The following BRCA2 variants were observed in gnomAD, a reference collection of about 807,000 sequenced individuals.
BRCA2 encodes BRCA2 DNA repair associated, also known as breast cancer type 2 susceptibility protein.
In BRCA2, 203 loss-of-function variants were observed where a neutral mutation model predicts 276.7. The observed-to-expected ratio is 0.73, with a 90% CI of 0.65 to 0.82. BRCA2 has a LOEUF of 0.82. Among genes scored for constraint, BRCA2 ranks in the 40% least tolerant of loss-of-function variants. BRCA2 has a pLI of 0.00. For missense variants in BRCA2, 3,920 were observed against 3,915.0 expected (o/e 1.00, Z -0.03); for synonymous variants, 1,289 against 1,338.4 (o/e 0.96, Z 0.81).
In BRCA2 at chr13:32,363,353, C is replaced by T. The variant is rs774808067; in HGVS notation, c.8151C>T (p.Ala2717=). The change falls in exon 18 of 27, where the codon GCC becomes GCT. Residue 2717 remains alanine, a synonymous_variant. Coordinates refer to ENST00000380152, the MANE Select transcript of BRCA2 (RefSeq NM_000059.4). The part of the protein sequence containing the change: ...KTSSADTQKV[A]IIELTDGWYA... ...GTAGTGCAGATACCCAAAAAGTGGC[C>T]ATTATTGAACTTACAGATGGGTGGT... The T allele has an allele frequency of 1.9e-6, 3 of 1,613,952 alleles. 1 individual carries two copies. The African/African-American group carries it at 4.0e-5, about 22-fold the overall frequency.
chr13:32,333,116 C>T lies in BRCA2; in HGVS notation c.1638C>T (p.Cys546=), dbSNP rs1566224003. The change falls in exon 10 of 27, where the codon TGC becomes TGT. Residue 546 remains cysteine, a synonymous_variant. Transcript: ENST00000380152. ...SESGLEIHTV[C]SQKEDSLCPN... is the part of the protein sequence containing the mutation. ...GTGGACTGGAAATACATACTGTTTGCTCACAGAAGGAGGACTCCTTATGTC... is the reference window on the plus strand; with the variant it reads ...GTGGACTGGAAATACATACTGTTTGTTCACAGAAGGAGGACTCCTTATGTC... 9 of 1,613,984 alleles carry T rather than the reference C, an allele frequency of 5.6e-6. No homozygotes were observed. The highest frequency in any genetic ancestry group is 7.6e-6 in the Non-Finnish European group (9 of 1,179,996).
chr13:32,374,404 C>G (rs1034883084), intron 20 of BRCA2, among the ~76,000 whole-genome samples: 2 of 152,224 alleles, frequency 1.3e-5, no homozygotes, highest in South Asian at 4.1e-4. Flanking sequence ...CTCTGCTTCC[C>G]TTTTAAATAT....
At chr13:32,384,199 G>A (rs965718412) in intron 24 of BRCA2, among the ~76,000 whole-genome samples, 1 of 152,206 alleles carries the variant, frequency 6.6e-6, no homozygotes, top group African/African-American at 2.4e-5. Context: ...GAAGACATCT[G>A]CCTCATCTCA....
intron 16 of BRCA2, among the ~76,000 whole-genome samples, chr13:32,360,525 G>C (rs1274778781): frequency 6.6e-6 from 1 of 152,008 alleles, no homozygotes; most frequent in African/African-American, 2.4e-5. Context: ...GTGCCCGGCT[G>C]ATTTTTGTGT....
At chr13:32,381,375 A>T (rs2072923280) in intron 24 of BRCA2, among the ~76,000 whole-genome samples, 1 of 152,118 alleles carries the variant, frequency 6.6e-6, no homozygotes, top group Admixed American at 6.6e-5. Flanking sequence ...TAAGTGGGTA[A>T]GGGGGTAATG....
chr13:32,379,495 C>CA lies in BRCA2; in HGVS notation c.8940dup (p.Glu2981ArgfsTer37), dbSNP rs80359732. 1.2e-6 allele frequency: 2 copies of CA among 1,609,704 alleles called. No homozygotes were observed. Among genetic ancestry groups the CA allele is most frequent in the Non-Finnish European group, 1.7e-6 (2 of 1,178,940 alleles). Reference sequence around the variant, plus strand: ...TGGAAGTTGCGTATTGTAAGCTATTCAAAAAAAGAAAAAGATTCAGGTAAG... The same window carrying CA: ...TGGAAGTTGCGTATTGTAAGCTATTCAAAAAAAAGAAAAAGATTCAGGTAAG... On this transcript the variant is annotated frameshift_variant, in exon 22 of 27. Coordinates refer to ENST00000380152, the MANE Select transcript of BRCA2 (RefSeq NM_000059.4). LOFTEE classifies it high-confidence loss of function.
intron 11 of BRCA2, among the ~76,000 whole-genome samples, chr13:32,343,563 T>A (rs1331529723): frequency 1.3e-5 from 2 of 152,208 alleles, no homozygotes; most frequent in Admixed American, 1.3e-4. Context: ...TTATAGTACT[T>A]AAACTATTTG....
At chr13:32,372,878 A>G (rs1188260002) in intron 20 of BRCA2, among the ~76,000 whole-genome samples, 3 of 152,178 alleles carry the variant, frequency 2.0e-5, no homozygotes, top group Non-Finnish European at 4.4e-5. Flanking sequence ...TACTTCCAAG[A>G]TACAATGGGG....
rs80358437 is a variant in BRCA2, at chr13:32,332,961, G to A, written c.1483G>A (p.Ala495Thr). The change falls in exon 10 of 27, where the codon GCT (alanine) becomes ACT (threonine). Residue 495 changes from alanine (A) to threonine (T), a missense_variant. Around this residue, in one of 2 missense-constraint regions of BRCA2, gnomAD observed 3,263 missense variants for 3,156.9 expected, o/e 1.03. Transcript: ENST00000380152. ...GGCAATATCTGGAACTTCTCCAGTG[G>A]CTTCTTCATTTCAGGGTATCAAAAA... ...KQAISGTSPV[A>T]SSFQGIKKSI... 3 of 1,600,986 alleles carry A rather than the reference G, an allele frequency of 1.9e-6. No individual in the cohort carries two copies. The highest frequency in any genetic ancestry group is 3.5e-5 in the Admixed American group (2 of 56,472).
chr13:32,340,095 A>G lies in BRCA2; in HGVS notation c.5740A>G (p.Ser1914Gly). ...TAACTCTCTAGATAATGATGAATGT[A>G]GCACGCATTCACATAAGGTTTTTGC... ...LHNSLDNDEC[S>G]THSHKVFADI... The change falls in exon 11 of 27, where the codon AGC becomes GGC. Residue 1914 changes from serine to glycine, a missense_variant. Ser to Gly is a moderately conservative substitution (Grantham distance 56, BLOSUM62 0). This residue lies in a region of BRCA2 where 3,263 missense variants were observed against 3,156.9 expected (regional missense o/e 1.03). Transcript: ENST00000380152. 6.2e-7 allele frequency: 1 copy of G among 1,613,860 alleles called. No homozygotes were observed. The highest frequency in any genetic ancestry group is 8.5e-7 in the Non-Finnish European group (1 of 1,179,802).
intron 13 of BRCA2, among the ~76,000 whole-genome samples, chr13:32,353,414 A>G (rs1439631915): frequency 2.0e-5 from 3 of 152,194 alleles, no homozygotes; most frequent in Admixed American, 6.5e-5. Context: ...AAGACAGATT[A>G]TGTCATTTCT....
In BRCA2 at chr13:32,370,573, G is replaced by A. The variant is rs1453194291; in HGVS notation, c.8487+16G>A. The A allele has an allele frequency of 6.2e-7, 1 of 1,602,026 alleles. No homozygotes were observed. Among genetic ancestry groups the A allele is most frequent in the South Asian group, 1.1e-5 (1 of 90,802 alleles). On this transcript the variant is annotated intron_variant, in intron 19 of 26. Coordinates refer to ENST00000380152, the MANE Select transcript of BRCA2 (RefSeq NM_000059.4). ...CCCTATACAGGTATGATGTATTCTT[G>A]AAACTTACCATATATTTCTTTCTTT...
rs80358864 is a variant in BRCA2 at position 32,340,594 on chromosome 13, T to C, written c.6239T>C (p.Leu2080Ser). ...ESSLHKVKGV[L>S]EEFDLIRTEH... Reference sequence around the variant, plus strand: ...TCCTTACACAAAGTTAAGGGAGTGTTAGAGGAATTTGATTTAATCAGAACT... The same window carrying C: ...TCCTTACACAAAGTTAAGGGAGTGTCAGAGGAATTTGATTTAATCAGAACT... Residue 2080 changes from leucine (L) to serine (S), a missense_variant, in exon 11 of 27, where the codon TTA becomes TCA. By Grantham distance (145) the Leu-to-Ser change is moderately radical. Coordinates refer to ENST00000380152, the MANE Select transcript of BRCA2 (RefSeq NM_000059.4). 1 of 1,608,634 alleles carries C rather than the reference T, an allele frequency of 6.2e-7. No homozygotes were observed. Among genetic ancestry groups the C allele is most frequent in the Non-Finnish European group, 8.5e-7 (1 of 1,177,280 alleles).
In BRCA2 at chr13:32,337,967, T is replaced by C. The variant is rs863224305; in HGVS notation, c.3612T>C (p.Ala1204=). 1 of 1,613,990 alleles carries C rather than the reference T, an allele frequency of 6.2e-7. No individual in the cohort carries two copies. The change falls in exon 11 of 27, where the codon GCT becomes GCC. Residue 1204 remains alanine, a synonymous_variant. Transcript: ENST00000380152. The part of the protein sequence containing the change: ...GLLKNDCNKS[A]SGYLTDENEV... Reference sequence around the variant, plus strand: ...TGAAAAATGACTGTAACAAAAGTGCTTCTGGTTATTTAACAGATGAAAATG... The same window carrying C: ...TGAAAAATGACTGTAACAAAAGTGCCTCTGGTTATTTAACAGATGAAAATG...
chr13:32,340,626 A>C lies in BRCA2; in HGVS notation c.6271A>C (p.Ser2091Arg), dbSNP rs398122550. 1.2e-5 allele frequency: 19 copies of C among 1,606,690 alleles called. No homozygotes were observed. Among genetic ancestry groups the C allele is most frequent in the Middle Eastern group, 1.7e-4 (1 of 6,030 alleles). Residue 2091 changes from serine (S) to arginine (R), a missense_variant, in exon 11 of 27, where the codon AGT (serine) becomes CGT (arginine). By Grantham distance (110) the Ser-to-Arg change is moderately radical. Around this residue, in one of 2 missense-constraint regions of BRCA2, gnomAD observed 3,263 missense variants for 3,156.9 expected, o/e 1.03. Coordinates refer to ENST00000380152, the MANE Select transcript of BRCA2 (RefSeq NM_000059.4). The part of the protein sequence containing the change: ...EEFDLIRTEH[S>R]LHYSPTSRQN... Reference sequence around the variant, plus strand: ...ATTTGATTTAATCAGAACTGAGCATAGTCTTCACTATTCACCTACGTCTAG... The same window carrying C: ...ATTTGATTTAATCAGAACTGAGCATCGTCTTCACTATTCACCTACGTCTAG...
chr13:32,379,788 T>A lies in BRCA2; in HGVS notation c.8992T>A (p.Ser2998Thr), dbSNP rs1442009294. ...SIWRPSSDLY[S>T]LLTEGKRYRI... ...TTGGCGTCCATCATCAGATTTATAT[T>A]CTCTGTTAACAGAAGGAAAGAGATA... The change falls in exon 23 of 27, where the codon TCT (serine) becomes ACT (threonine). Residue 2998 changes from serine to threonine, a missense_variant. Physicochemically the swap from Ser to Thr is moderately conservative, Grantham distance 58. This residue lies in a region of BRCA2 where 657 missense variants were observed against 758.2 expected (regional missense o/e 0.87). Transcript: ENST00000380152. 6.2e-7 allele frequency: 1 copy of A among 1,612,784 alleles called. No homozygotes were observed. Among genetic ancestry groups the A allele is most frequent in the South Asian group, 1.1e-5 (1 of 91,044 alleles).
Position 32,333,266 on chromosome 13 carries a change from T to C in BRCA2, c.1788T>C (p.Asp596=), listed in dbSNP as rs11571642. ...KTNKFIYAIH[D]ETSYKGKKIP... ...ATAAGTTTATTTATGCTATACATGA[T>C]GAAACATCTTATAAAGGAAAAAAAA... The change falls in exon 10 of 27, where the codon GAT becomes GAC. Residue 596 remains aspartate (D), a synonymous_variant. Transcript: ENST00000380152. 2,198 of 1,608,580 alleles carry C rather than the reference T, an allele frequency of 1.4e-3. 20 individuals are homozygous for C. In the African/African-American group the frequency reaches 0.023, roughly 17 times the overall value.
chr13:32,320,290 C>T (rs1376371674), intron 3 of BRCA2, among the ~76,000 whole-genome samples: 1 of 152,202 alleles, frequency 6.6e-6, no homozygotes, highest in Non-Finnish European at 1.5e-5. Flanking sequence ...AACCTTAGAT[C>T]ACCTCCCTTT....
At chr13:32,322,914 C>G (rs1471239246) in intron 3 of BRCA2, among the ~76,000 whole-genome samples, 2 of 152,156 alleles carry the variant, frequency 1.3e-5, no homozygotes, top group Non-Finnish European at 2.9e-5. Context: ...AATATATTTT[C>G]AACTCATTTT....
Sources: gnomAD v4.1 joint callset for allele counts (sites outside exome capture counted in the v4.1 genomes callset) on GRCh38, gnomAD v4.1.1 for gene constraint, gnomAD v4.1.1 regional missense constraint, MANE v1.5 for transcripts, NCBI Gene and HGNC (gene_info 2026-07-23, HGNC 2026-07-21) for gene names.